Variants in ASIC2 observed in about 807,000 individuals in gnomAD.
ASIC2 encodes the protein acid-sensing ion channel 2.
A neutral mutation model predicts 57.3 loss-of-function variants in ASIC2; 25 were observed. That is an observed-to-expected ratio of 0.44 (90% CI 0.32 to 0.61). The LOEUF (loss-of-function observed/expected upper bound fraction) is 0.61. ASIC2 is among the 20% of genes least tolerant of loss of function. ASIC2 has a pLI of 0.06. For missense variants in ASIC2, 641 were observed against 738.1 expected (o/e 0.87, Z 1.52); for synonymous variants, 319 against 307.5 (o/e 1.04, Z -0.39).
intron 1 of ASIC2, among the ~76,000 whole-genome samples, chr17:33,278,934 C>A (rs183528630): frequency 6.6e-6 from 1 of 151,976 alleles, no homozygotes; most frequent in African/African-American, 2.4e-5. Context: ...ACTCAATGCA[C>A]GGGATTGCAA....
At chr17:33,863,596 T>C (rs1008081517) in intron 1 of ASIC2, among the ~76,000 whole-genome samples, 12 of 152,212 alleles carry the variant, frequency 7.9e-5, no homozygotes, top group African/African-American at 2.7e-4. Context: ...CATTCTCTCA[T>C]GATTGCTAAA....
chr17:33,188,926 A>T (rs1419823869), intron 1 of ASIC2, among the ~76,000 whole-genome samples: 1 of 152,214 alleles, frequency 6.6e-6, no homozygotes, highest in African/African-American at 2.4e-5. Context: ...AGATTATTTT[A>T]AAAAGTAGAA....
rs562989286 is a variant in ASIC2, at chr17:33,842,083, G to C, written c.555+313895C>G. Among the ~76,000 whole-genome samples, 289 of 152,308 alleles carry C rather than the reference G, an allele frequency of 1.9e-3. 1 individual carries two copies. The Middle Eastern group carries it at 0.024, about 13-fold the overall frequency. On this transcript the variant is annotated intron_variant, in intron 1 of 9. Transcript: ENST00000359872. ...TCTGCCTTATATACAGTCCAGTGGT[G>C]GTGGGCTGGACGACATAACCGCATG... is the stretch of plus-strand genomic sequence containing the variant.
chr17:33,714,270 A>G (rs1436094980), intron 1 of ASIC2, among the ~76,000 whole-genome samples: 1 of 152,242 alleles, frequency 6.6e-6, no homozygotes, highest in Non-Finnish European at 1.5e-5. Flanking sequence ...AGAGAAACTT[A>G]CATAAAAGCA....
chr17:34,047,128 C>A (rs1473475343), intron 1 of ASIC2, among the ~76,000 whole-genome samples: 1 of 152,114 alleles, frequency 6.6e-6, no homozygotes, highest in Non-Finnish European at 1.5e-5. Context: ...GTGAGGTCTG[C>A]AAGGCCCCAA....
At chr17:33,423,894 AC>A (rs539775246) in intron 1 of ASIC2, among the ~76,000 whole-genome samples, 91 of 152,298 alleles carry the variant, frequency 6.0e-4, no homozygotes, top group African/African-American at 2.1e-3. Context: ...TGCTTAGAGG[AC>A]TTCCTCAGAA....
At chr17:33,847,307 A>T (rs1394350254) in intron 1 of ASIC2, among the ~76,000 whole-genome samples, 1 of 151,900 alleles carries the variant, frequency 6.6e-6, no homozygotes, top group Non-Finnish European at 1.5e-5. Context: ...ACCCTGCTTT[A>T]TCCACCTCAC....
chr17:33,828,760 A>G (rs908572723), intron 1 of ASIC2, among the ~76,000 whole-genome samples: 2 of 152,218 alleles, frequency 1.3e-5, no homozygotes, highest in African/African-American at 4.8e-5. Flanking sequence ...GCCCACGCCC[A>G]TAATGTAGGT....
intron 1 of ASIC2, among the ~76,000 whole-genome samples, chr17:34,114,830 C>T (rs796406840): frequency 5.5e-4 from 83 of 152,260 alleles, no homozygotes; most frequent in African/African-American, 1.9e-3. Context: ...AGGAGGCAGA[C>T]ATAAGGTCAG....
At chr17:33,963,310 C>G (rs1159926591) in intron 1 of ASIC2, among the ~76,000 whole-genome samples, 2 of 152,158 alleles carry the variant, frequency 1.3e-5, no homozygotes, top group African/African-American at 4.8e-5. Flanking sequence ...TGTCTTGCCT[C>G]CTGAAGAATA....
chr17:34,027,397 A>T (rs1162759391), intron 1 of ASIC2, among the ~76,000 whole-genome samples: 3 of 152,184 alleles, frequency 2.0e-5, no homozygotes, highest in Non-Finnish European at 2.9e-5. Context: ...CTTTTATGTC[A>T]TCACGGGTCA....
At chr17:34,009,915 C>T (rs190100265) in intron 1 of ASIC2, among the ~76,000 whole-genome samples, 1 of 152,276 alleles carries the variant, frequency 6.6e-6, no homozygotes, top group African/African-American at 2.4e-5. Flanking sequence ...TGAATGAGAC[C>T]ATCACACTAA....
chr17:33,882,305 T>C (rs917918599), intron 1 of ASIC2, among the ~76,000 whole-genome samples: 3 of 152,078 alleles, frequency 2.0e-5, no homozygotes. Flanking sequence ...AAAGAAACTA[T>C]CATCAGAGTG....
intron 1 of ASIC2, among the ~76,000 whole-genome samples, chr17:33,464,501 TTTC>T (rs1912761757): frequency 5.2e-5 from 2 of 38,696 alleles, no homozygotes; most frequent in African/African-American, 2.5e-4. Flanking sequence ...TCTTTCTTTC[TTTC>T]TTTCTTTCTT....
intron 1 of ASIC2, among the ~76,000 whole-genome samples, chr17:33,889,258 C>G (rs914524592): frequency 1.3e-5 from 2 of 152,084 alleles, no homozygotes; most frequent in Non-Finnish European, 2.9e-5. Flanking sequence ...GATGAAGAAC[C>G]TGCAGCCCAG....
At chr17:33,758,157 A>G (rs1404266587) in intron 1 of ASIC2, among the ~76,000 whole-genome samples, 1 of 152,118 alleles carries the variant, frequency 6.6e-6, no homozygotes, top group Non-Finnish European at 1.5e-5. Context: ...ACCAAAATTC[A>G]TCCTTTTCTT....
intron 1 of ASIC2, among the ~76,000 whole-genome samples, chr17:33,827,106 C>G: frequency 6.6e-6 from 1 of 152,060 alleles, no homozygotes. Flanking sequence ...GTCATACAGC[C>G]TTGAGAAGCT....
chr17:33,294,493 C>T (rs1358727185), upstream of ASIC2, among the ~76,000 whole-genome samples: 2 of 152,040 alleles, frequency 1.3e-5, no homozygotes, highest in African/African-American at 4.8e-5. Context: ...GACCTGAGGG[C>T]ACCCTTACAG....
At chr17:33,278,258 A>C (rs1597663048) in intron 1 of ASIC2, among the ~76,000 whole-genome samples, 1 of 140,256 alleles carries the variant, frequency 7.1e-6, no homozygotes. Context: ...TTGTTCATTT[A>C]TTTGTTAACT....
Sources: gnomAD v4.1 joint callset for allele counts (sites outside exome capture counted in the v4.1 genomes callset) on GRCh38, gnomAD v4.1.1 for gene constraint, MANE v1.5 for transcripts, NCBI Gene and HGNC (gene_info 2026-07-23, HGNC 2026-07-21) for gene names.